TBC1D32: variants seen among roughly 807,000 people sequenced by gnomAD.
TBC1D32 encodes protein broad-minded.
TBC1D32 carries 151 observed loss-of-function variants against 170.3 expected under a neutral mutation model. The observed-to-expected ratio is 0.89, with a 90% CI of 0.78 to 1.01. The LOEUF (loss-of-function observed/expected upper bound fraction) is 1.01. Among genes scored for constraint, TBC1D32 ranks in the 50% least tolerant of loss-of-function variants. TBC1D32 has a pLI of 0.00. For missense variants in TBC1D32, 1,464 were observed against 1,457.1 expected (o/e 1.00, Z -0.08); for synonymous variants, 498 against 488.0 (o/e 1.02, Z -0.27).
At chr6:121,212,450 CTTTTT>C (rs3076854) in intron 21 of TBC1D32, among the ~76,000 whole-genome samples, 1 of 102,098 alleles carries the variant, frequency 9.8e-6, no homozygotes. Context: ...GTCAATATCT[CTTTTT>C]TTTTTTTTTT....
intron 26 of TBC1D32, among the ~76,000 whole-genome samples, chr6:121,116,754 G>A (rs1779723775): frequency 6.6e-6 from 1 of 152,180 alleles, no homozygotes. Flanking sequence ...GGAATTGGAT[G>A]TGTTAAATAG....
intron 21 of TBC1D32, among the ~76,000 whole-genome samples, chr6:121,211,754 C>T (rs186919990): frequency 3.9e-5 from 6 of 152,188 alleles, no homozygotes; most frequent in South Asian, 2.1e-4. Flanking sequence ...GTGGAAGACC[C>T]GCTGGAAAGA....
chr6:121,172,909 T>A (rs891073702), intron 22 of TBC1D32, among the ~76,000 whole-genome samples: 4 of 152,214 alleles, frequency 2.6e-5, no homozygotes, highest in African/African-American at 7.2e-5. Context: ...AATTATAATC[T>A]TTTTGTTGCC....
intron 15 of TBC1D32, among the ~76,000 whole-genome samples, chr6:121,270,413 A>C (rs1213030693): frequency 4.6e-5 from 7 of 152,192 alleles, no homozygotes; most frequent in Admixed American, 1.3e-4. Context: ...ATGTAATAAA[A>C]AATGATAAAG....
At chr6:121,323,737 C>A (rs1399617333) in intron 1 of TBC1D32, among the ~76,000 whole-genome samples, 2 of 152,130 alleles carry the variant, frequency 1.3e-5, no homozygotes, top group Non-Finnish European at 2.9e-5. Context: ...GTCAGGAGAT[C>A]GAGACCATCC....
intron 30 of TBC1D32, among the ~76,000 whole-genome samples, chr6:121,092,293 GTTTTTTTTTTTTTT>G (rs1160372863): frequency 1.2e-4 from 6 of 50,388 alleles, no homozygotes; most frequent in Non-Finnish European, 2.2e-4. Flanking sequence ...TCAGTTTTAT[GTTTTTTTTTTTTTT>G]TTTTTTTTTT....
At chr6:121,230,874 C>T (rs2389414) in intron 20 of TBC1D32, among the ~76,000 whole-genome samples, 111,508 of 151,728 alleles carry the variant, frequency 0.73, 41,379 homozygotes, top group Non-Finnish European at 0.77. Context: ...TGCTGAGACT[C>T]TGGTGCACCC....
At chr6:121,205,229 AC>A (rs1792093117) in intron 21 of TBC1D32, 66 bp from the exon 22 acceptor site, 1 of 778,436 alleles carries the variant, frequency 1.3e-6, no homozygotes, top group Admixed American at 3.1e-5. Flanking sequence ...TAAGTCAACA[AC>A]AATTTATTTA....
chr6:121,264,238 A>G (rs1259091896), intron 15 of TBC1D32, among the ~76,000 whole-genome samples: 1 of 152,168 alleles, frequency 6.6e-6, no homozygotes, highest in Non-Finnish European at 1.5e-5. Context: ...AAAAATGAAA[A>G]AAGAGATATC....
chr6:121,284,131 T>C (rs1394038641), intron 12 of TBC1D32, among the ~76,000 whole-genome samples: 1 of 152,054 alleles, frequency 6.6e-6, no homozygotes, highest in Admixed American at 6.6e-5. Context: ...TATGTAAAGG[T>C]ACAGTTTTAC....
intron 10 of TBC1D32, among the ~76,000 whole-genome samples, chr6:121,296,117 A>G (rs1805598169): frequency 6.6e-6 from 1 of 152,178 alleles, no homozygotes; most frequent in African/African-American, 2.4e-5. Flanking sequence ...AACATTTCAC[A>G]TAAGTTGCCA....
intron 17 of TBC1D32, among the ~76,000 whole-genome samples, chr6:121,242,813 AT>A (rs980804722): frequency 1.3e-5 from 2 of 151,940 alleles, no homozygotes; most frequent in Admixed American, 1.3e-4. Flanking sequence ...GGGGAAAGAT[AT>A]TTTTTCTCAG....
At chr6:121,170,170 C>T (rs564444683) in intron 22 of TBC1D32, among the ~76,000 whole-genome samples, 1 of 152,134 alleles carries the variant, frequency 6.6e-6, no homozygotes, top group South Asian at 2.1e-4. Context: ...TACACACACA[C>T]ACACACACGA....
At chr6:121,283,028 G>T (rs1803253268) in intron 13 of TBC1D32, among the ~76,000 whole-genome samples, 2 of 151,758 alleles carry the variant, frequency 1.3e-5, no homozygotes, top group African/African-American at 4.8e-5. Flanking sequence ...CTGAATAATG[G>T]TGAGATTTGG....
At chr6:121,122,626 CCTAA>C (rs986085155) in intron 26 of TBC1D32, among the ~76,000 whole-genome samples, 1 of 152,036 alleles carries the variant, frequency 6.6e-6, no homozygotes, top group African/African-American at 2.4e-5. Context: ...AATCTTCACT[CCTAA>C]CTAAAACTTC....
At chr6:121,269,136 T>C (rs1385627086) in intron 15 of TBC1D32, among the ~76,000 whole-genome samples, 1 of 152,084 alleles carries the variant, frequency 6.6e-6, no homozygotes, top group Admixed American at 6.6e-5. Context: ...ATGGAACAAC[T>C]GGTACCAGCC....
chr6:121,317,437 G>A, intron 3 of TBC1D32, 58 bp downstream of exon 3: 4 of 1,286,906 alleles, frequency 3.1e-6, no homozygotes, highest in Non-Finnish European at 4.1e-6. Context: ...ATAATTTATT[G>A]AAGCTAATTA....
chr6:121,263,656 C>T (rs1172324523), intron 15 of TBC1D32, among the ~76,000 whole-genome samples: 2 of 152,154 alleles, frequency 1.3e-5, no homozygotes, highest in African/African-American at 4.8e-5. Flanking sequence ...CTTCTCAGTG[C>T]CACATGGCAC....
chr6:121,198,907 C>G (rs564375638), intron 22 of TBC1D32, among the ~76,000 whole-genome samples: 7 of 151,240 alleles, frequency 4.6e-5, no homozygotes, highest in Non-Finnish European at 1.0e-4. Context: ...CAAAAGGAAT[C>G]CCAAAATAAA....
Sources: gnomAD v4.1 joint callset for allele counts (sites outside exome capture counted in the v4.1 genomes callset) on GRCh38, gnomAD v4.1.1 for gene constraint, MANE v1.5 for transcripts, NCBI Gene and HGNC (gene_info 2026-07-23, HGNC 2026-07-21) for gene names.